Variants in FCGR2A observed in about 807,000 individuals in gnomAD.
FCGR2A encodes Fc gamma receptor IIa.
FCGR2A carries 18 observed loss-of-function variants against 29.3 expected under a neutral mutation model. The ratio of observed to expected loss-of-function variants is 0.62; its 90% CI spans 0.43 to 0.91. The LOEUF (loss-of-function observed/expected upper bound fraction) is 0.91. Among genes scored for constraint, FCGR2A ranks in the 40% least tolerant of loss-of-function variants. The pLI, the probability that FCGR2A is intolerant of heterozygous loss-of-function variation, is 0.00. For missense variants in FCGR2A, 287 were observed against 393.0 expected (o/e 0.73, Z 2.28); for synonymous variants, 126 against 144.8 (o/e 0.87, Z 0.93).
chr1:161,512,546 T>C (rs955735408), intron 5 of FCGR2A, among the ~76,000 whole-genome samples: 1 of 150,154 alleles, frequency 6.7e-6, no homozygotes, highest in Non-Finnish European at 1.5e-5. Flanking sequence ...TCAGGCCTTC[T>C]AGGTCTGACA....
At chr1:161,514,680 T>G (rs1676035657) in intron 6 of FCGR2A, 1 of 153,210 alleles carries the variant, frequency 6.5e-6, no homozygotes, top group Non-Finnish European at 1.4e-5. Flanking sequence ...ATTTCTCATT[T>G]GATTCAGCAG....
downstream of FCGR2A, chr1:161,519,982 T>G (rs1384896933): frequency 6.6e-6 from 1 of 151,794 alleles, no homozygotes; most frequent in East Asian, 1.9e-4. Context: ...ACAGTCTCCT[T>G]GATGGTTTGG....
At chr1:161,523,993 C>T (rs41297678), downstream of FCGR2A, 501 of 155,282 alleles carry the variant, frequency 3.2e-3, 4 homozygotes, top group Non-Finnish European at 4.1e-3. Flanking sequence ...AACCAGGCAC[C>T]GTCTTAAATC....
intron 5 of FCGR2A, among the ~76,000 whole-genome samples, chr1:161,512,920 T>G (rs1470320402): frequency 6.6e-6 from 1 of 152,234 alleles, no homozygotes; most frequent in Non-Finnish European, 1.5e-5. Context: ...TGGTTCTGTC[T>G]ACACTGGCAT....
downstream of FCGR2A, among the ~76,000 whole-genome samples, chr1:161,521,345 A>C (rs1287141931): frequency 1.3e-5 from 2 of 152,006 alleles, no homozygotes; most frequent in Non-Finnish European, 2.9e-5. Context: ...GTGCGGAATG[A>C]GTAAATTCTT....
In FCGR2A at chr1:161,506,364, A is replaced by C. The variant is rs377489184; in HGVS notation, c.137A>C (p.Glu46Ala). Residue 46 changes from glutamate to alanine, a missense_variant, in exon 3 of 7, where the codon GAG (glutamate) becomes GCG (alanine). Glu to Ala is a moderately radical substitution (Grantham distance 107). This residue lies in a region of FCGR2A where 181 missense variants were observed against 250.9 expected (regional missense o/e 0.72). Transcript: ENST00000271450. ...AAPPKAVLKL[E>A]PPWINVLQED... ...CCCCCAAAGGCTGTGCTGAAACTTG[A>C]GCCCCCGTGGATCAACGTGCTCCAG... is the stretch of plus-strand genomic sequence containing the variant. 10 of 1,613,942 alleles carry C rather than the reference A, an allele frequency of 6.2e-6. No individual in the cohort carries two copies. Among genetic ancestry groups the C allele is most frequent in the Non-Finnish European group, 6.8e-6 (8 of 1,180,016 alleles).
At chr1:161,520,461 A>T (rs1223717762), downstream of FCGR2A, among the ~76,000 whole-genome samples, 1 of 151,860 alleles carries the variant, frequency 6.6e-6, no homozygotes, top group Non-Finnish European at 1.5e-5. Flanking sequence ...ACCTGGTCCC[A>T]CTTTTGACAG....
chr1:161,505,598 C>A, intron 1 of FCGR2A, 46 bp downstream of exon 1: 1 of 1,433,462 alleles, frequency 7.0e-7, no homozygotes, highest in Non-Finnish European at 9.8e-7. Flanking sequence ...GACACTCCTA[C>A]TGCCTGGACT....
chr1:161,506,759 G>C, intron 3 of FCGR2A, 168 bp downstream of exon 3: 9 of 1,289,772 alleles, frequency 7.0e-6, no homozygotes, highest in South Asian at 1.5e-5. Flanking sequence ...CTTAGCATGC[G>C]TGGTGGGGGA....
chr1:161,512,773 TTGTTCAGCTG>T (rs1675888663), intron 5 of FCGR2A, among the ~76,000 whole-genome samples: 1 of 152,202 alleles, frequency 6.6e-6, no homozygotes, highest in South Asian at 2.1e-4. Context: ...AAAATATCAC[TTGTTCAGCTG>T]TGCTTGCAGC....
downstream of FCGR2A, among the ~76,000 whole-genome samples, chr1:161,521,862 A>C (rs1676465024): frequency 6.6e-6 from 1 of 152,060 alleles, no homozygotes; most frequent in Non-Finnish European, 1.5e-5. Flanking sequence ...GTATGTCTTT[A>C]TTAGCAGTGT....
At chr1:161,516,629 TG>T (rs1676163813) in intron 6 of FCGR2A, among the ~76,000 whole-genome samples, 1 of 152,018 alleles carries the variant, frequency 6.6e-6, no homozygotes, top group African/African-American at 2.4e-5. Flanking sequence ...GATTTATTTT[TG>T]CAAAAAAGTT....
At position 161,506,265 on chromosome 1, in the gene FCGR2A, G is replaced by T. The variant is rs912805057; in HGVS notation, c.107-69G>T. The T allele has an allele frequency of 1.7e-5, 27 of 1,589,282 alleles. No homozygotes were observed. In the East Asian group the frequency reaches 5.4e-4, roughly 32 times the overall value. On this transcript the variant is annotated intron_variant, in intron 2 of 6. Coordinates refer to ENST00000271450, the MANE Select transcript of FCGR2A (RefSeq NM_001136219.3). The stretch of plus-strand genomic sequence containing the variant: ...CTCTTGGGTGCCTGACCTCCCTTGG[G>T]AGCTCCTTTGGCATCCACAGTCCCT...
intron 3 of FCGR2A, among the ~76,000 whole-genome samples, chr1:161,508,088 A>G (rs1240130998): frequency 1.4e-5 from 1 of 70,714 alleles, no homozygotes; most frequent in Non-Finnish European, 2.7e-5. Context: ...CTCTGTCTCA[A>G]AAAAAAAAAA....
At chr1:161,505,698 T>G in intron 1 of FCGR2A, 146 bp downstream of exon 1, 1 of 760,314 alleles carries the variant, frequency 1.3e-6, no homozygotes, top group South Asian at 1.5e-5. Context: ...TCTTAAGTGT[T>G]CCAATGGTTC....
chr1:161,514,643 G>A (rs1297895409), intron 6 of FCGR2A: 1 of 152,530 alleles, frequency 6.6e-6, no homozygotes, highest in African/African-American at 2.4e-5. Flanking sequence ...TGTGTCCTGA[G>A]CTCTCTGAGT....
chr1:161,510,622 G>A (rs1675710848), intron 4 of FCGR2A, among the ~76,000 whole-genome samples: 1 of 152,208 alleles, frequency 6.6e-6, no homozygotes, highest in Non-Finnish European at 1.5e-5. Context: ...AACCTGGGTA[G>A]GGAGGAGGCA....
Position 161,506,305 on chromosome 1 carries a change from T to C in FCGR2A, c.107-29T>C, listed in dbSNP as rs1219108532. 4.3e-6 allele frequency: 7 copies of C among 1,613,076 alleles called. No homozygotes were observed. The East Asian group carries it at 1.6e-4, about 36-fold the overall frequency. The stretch of plus-strand genomic sequence containing the variant: ...CCACAGTCCCTTCAGGGTTATTTAT[T>C]CCACACCCCTTTCCACTCTGCCCCT... On this transcript the variant is annotated intron_variant, in intron 2 of 6. Coordinates refer to ENST00000271450, the MANE Select transcript of FCGR2A (RefSeq NM_001136219.3).
At position 161,509,904 on chromosome 1, in the gene FCGR2A, C is replaced by G. The variant is rs1675651992; in HGVS notation, c.449C>G (p.Pro150Arg). 1 of 1,614,096 alleles carries G rather than the reference C, an allele frequency of 6.2e-7. No individual in the cohort carries two copies. The highest frequency in any genetic ancestry group is 1.3e-5 in the African/African-American group (1 of 74,936). The change falls in exon 4 of 7, where the codon CCT becomes CGT. Residue 150 changes from proline to arginine, a missense_variant. This residue lies in a region of FCGR2A where 181 missense variants were observed against 250.9 expected (regional missense o/e 0.72). Transcript: ENST00000271450. ...MLRCHSWKDK[P>R]LVKVTFFQNG... ...AGGTGCCACAGCTGGAAGGACAAGCCTCTGGTCAAGGTCACATTCTTCCAG... is the reference window on the plus strand; with the variant it reads ...AGGTGCCACAGCTGGAAGGACAAGCGTCTGGTCAAGGTCACATTCTTCCAG...
Sources: allele counts gnomAD v4.1 joint callset (sites outside exome capture counted in the v4.1 genomes callset), GRCh38; gene constraint gnomAD v4.1.1; regional missense constraint gnomAD v4.1.1; transcripts MANE v1.5; gene names NCBI Gene and HGNC (gene_info 2026-07-23, HGNC 2026-07-21).